EXOSC10: variants seen among roughly 807,000 people sequenced by gnomAD.
The protein encoded by EXOSC10 is exosome component 10.
A neutral mutation model predicts 126.6 loss-of-function variants in EXOSC10; 94 were observed. The ratio of observed to expected loss-of-function variants is 0.74; its 90% CI spans 0.63 to 0.88. The LOEUF (loss-of-function observed/expected upper bound fraction) is 0.88, where lower values mean the gene tolerates loss of function less well. Among genes scored for constraint, EXOSC10 ranks in the 40% least tolerant of loss-of-function variants. The probability of loss-of-function intolerance (pLI) is 0.00; values close to 1 mark genes in which losing one functional copy is unlikely to be tolerated. For synonymous variants in EXOSC10, 395 were observed against 400.8 expected, an observed-to-expected ratio of 0.99 and a Z score of 0.17; for missense variants, 1,041 against 1,100.5, an observed-to-expected ratio of 0.95 and a Z score of 0.77.
intron 9 of EXOSC10, among the ~76,000 whole-genome samples, chr1:11,086,579 C>A (rs1337147628): frequency 6.6e-6 from 1 of 152,064 alleles, no homozygotes; most frequent in East Asian, 1.9e-4. Context: ...GTAAAGCTCT[C>A]CTCAGCAGAT....
rs776619142 is a variant in EXOSC10 at position 11,081,068 on chromosome 1, C to T, written c.1437+14G>A. 37 of 1,613,248 alleles carry T rather than the reference C, an allele frequency of 2.3e-5. No homozygotes were observed. The highest frequency in any genetic ancestry group is 1.6e-4 in the Middle Eastern group (1 of 6,082). The stretch of plus-strand genomic sequence containing the variant: ...CCAAGTGTCGCGGTCTGTGTGACTG[C>T]GGCTGAGGTGTACCTTGAGGCAGAT... On this transcript the variant is annotated intron_variant, in intron 11 of 24. Coordinates refer to ENST00000376936, the MANE Select transcript of EXOSC10 (RefSeq NM_001001998.3).
intron 3 of EXOSC10, among the ~76,000 whole-genome samples, chr1:11,094,683 C>T (rs1435220700): frequency 2.0e-5 from 3 of 151,242 alleles, no homozygotes; most frequent in African/African-American, 7.3e-5. Flanking sequence ...TCACTGCAAC[C>T]TTGGCCTCCC....
chr1:11,088,284 A>C, intron 6 of EXOSC10, 86 bp from the exon 7 acceptor site: 1 of 922,108 alleles, frequency 1.1e-6, no homozygotes, highest in Non-Finnish European at 1.7e-6. Flanking sequence ...AATCTGTAAA[A>C]ACAAATGAGA....
chr1:11,068,249 T>A (rs1639229216), intron 23 of EXOSC10, among the ~76,000 whole-genome samples, 165 bp from the exon 24 acceptor site: 1 of 152,128 alleles, frequency 6.6e-6, no homozygotes, highest in African/African-American at 2.4e-5. Flanking sequence ...GCCGCCAGGA[T>A]GCGCTGCAAG....
rs1222636613 is a variant in EXOSC10, at chr1:11,095,211, C to CAAAAA, written c.372+542_372+546dup. Among the ~76,000 whole-genome samples the CAAAAA allele has an allele frequency of 1.4e-3, 73 of 52,462 alleles. 1 individual carries two copies. The highest frequency in any genetic ancestry group is 4.6e-3 in the African/African-American group (70 of 15,126). 34.4% of individuals were successfully genotyped at this position (52,462 alleles called of 152,430 possible). On this transcript the variant is annotated intron_variant, in intron 3 of 24. Coordinates refer to ENST00000376936, the MANE Select transcript of EXOSC10 (RefSeq NM_001001998.3). Reference sequence around the variant, plus strand: ...TGGGCAACCAAGCAAGACTCCGTCTCAAAAAAAAAAAAAAAAAAGAAGCTT... The same window carrying CAAAAA: ...TGGGCAACCAAGCAAGACTCCGTCTCAAAAAAAAAAAAAAAAAAAAAAAGAAGCTT...
chr1:11,068,450 C>T (rs982769650), intron 23 of EXOSC10, 195 bp downstream of exon 23: 7 of 612,062 alleles, frequency 1.1e-5, no homozygotes, highest in African/African-American at 9.3e-5. Context: ...TTTAAAGCCA[C>T]ATGCCAGCTT....
chr1:11,097,117 C>T (rs1641144117), intron 2 of EXOSC10, among the ~76,000 whole-genome samples: 1 of 151,304 alleles, frequency 6.6e-6, no homozygotes. Context: ...GGCTGAGGCA[C>T]AAGAATCGCT....
intron 22 of EXOSC10, 143 bp downstream of exon 22, chr1:11,069,416 C>T: frequency 2.1e-6 from 2 of 950,592 alleles, no homozygotes; most frequent in South Asian, 1.8e-5. Flanking sequence ...ATTGCCACGG[C>T]CTCTCTGGAC....
chr1:11,072,456 T>C (rs548698453), intron 19 of EXOSC10: 5 of 306,644 alleles, frequency 1.6e-5, no homozygotes, highest in African/African-American at 8.6e-5. Flanking sequence ...ACCCTCTCTT[T>C]AGAGATGAGC....
intron 9 of EXOSC10, among the ~76,000 whole-genome samples, chr1:11,085,874 A>G (rs893183922): frequency 6.6e-5 from 10 of 152,222 alleles, no homozygotes; most frequent in Non-Finnish European, 1.2e-4. Context: ...ATCTATTGAG[A>G]TAATCACGTG....
At position 11,090,541 on chromosome 1, in the gene EXOSC10, G is replaced by C. The variant is rs1005064951; in HGVS notation, c.758+13C>G. 1 of 1,605,942 alleles carries C rather than the reference G, an allele frequency of 6.2e-7. No individual in the cohort carries two copies. Among genetic ancestry groups the C allele is most frequent in the Admixed American group, 1.7e-5 (1 of 59,932 alleles). On this transcript the variant is annotated intron_variant, in intron 6 of 24. Coordinates refer to ENST00000376936, the MANE Select transcript of EXOSC10 (RefSeq NM_001001998.3). ...TACTCACGGCAGAAAGTCAGACACA[G>C]GCCAACACTTACATGTCTTGCTCAA...
chr1:11,098,238 CA>C (rs1466184221), intron 1 of EXOSC10, 82 bp from the exon 2 acceptor site: 4 of 1,470,970 alleles, frequency 2.7e-6, no homozygotes, highest in African/African-American at 2.8e-5. Context: ...CTATCGTATA[CA>C]AGGTATCTAC....
Position 11,079,877 on chromosome 1 carries a change from G to A in EXOSC10, c.1638-55C>T, listed in dbSNP as rs1640050030. ...GTCACTCAGAAACGCAGCCCTTAAA[G>A]GCTTCCAGATAAGAATAATGACTGG... On this transcript the variant is annotated intron_variant, in intron 13 of 24. Transcript: ENST00000376936. 16 of 1,377,900 alleles carry A rather than the reference G, an allele frequency of 1.2e-5. 1 individual carries two copies. The South Asian group carries it at 1.7e-4, about 15-fold the overall frequency. 85.4% of individuals were successfully genotyped at this position (1,377,900 alleles called of 1,614,324 possible).
chr1:11,069,023 C>T (rs1224715974), intron 22 of EXOSC10: 9 of 377,752 alleles, frequency 2.4e-5, no homozygotes, highest in African/African-American at 4.1e-5. Flanking sequence ...ATAAGGAACT[C>T]GGGCTCTGAG....
chr1:11,097,012 G>C (rs1271320464), intron 2 of EXOSC10, among the ~76,000 whole-genome samples: 2 of 152,086 alleles, frequency 1.3e-5, no homozygotes, highest in Non-Finnish European at 2.9e-5. Context: ...AGGAGTTCGA[G>C]ACCAGCCTGG....
At chr1:11,085,263 T>C (rs1247415382) in intron 9 of EXOSC10, among the ~76,000 whole-genome samples, 1 of 152,214 alleles carries the variant, frequency 6.6e-6, no homozygotes, top group African/African-American at 2.4e-5. Context: ...CCCATGAGCA[T>C]GGAATGTTCT....
chr1:11,087,699 T>C (rs1456078698), intron 8 of EXOSC10, 101 bp downstream of exon 8: 2 of 1,500,322 alleles, frequency 1.3e-6, no homozygotes, highest in Admixed American at 4.2e-5. Flanking sequence ...TGATTAATTT[T>C]TTACCAAAAA....
intron 14 of EXOSC10, among the ~76,000 whole-genome samples, chr1:11,078,600 A>T (rs1020261660): frequency 1.1e-4 from 17 of 152,182 alleles, no homozygotes; most frequent in Admixed American, 3.9e-4. Flanking sequence ...AAACAAAAGA[A>T]AACTGGCTGC....
chr1:11,090,002 T>C (rs1236393965), intron 6 of EXOSC10, among the ~76,000 whole-genome samples: 1 of 150,148 alleles, frequency 6.7e-6, no homozygotes, highest in East Asian at 1.9e-4. Flanking sequence ...ACATCTTTTT[T>C]TTTTTTTTTT....
Sources: gnomAD v4.1 joint callset for allele counts (sites outside exome capture counted in the v4.1 genomes callset) on GRCh38, gnomAD v4.1.1 for gene constraint, MANE v1.5 for transcripts, NCBI Gene and HGNC (gene_info 2026-07-23, HGNC 2026-07-21) for gene names.